Variants in TSPEAR observed in about 807,000 individuals in gnomAD.
The protein encoded by TSPEAR is thrombospondin type laminin G domain and EAR repeats, also known as thrombospondin-type laminin G domain and EAR repeat-containing protein.
A neutral mutation model predicts 71.6 loss-of-function variants in TSPEAR; 69 were observed. That is an observed-to-expected ratio of 0.96 (90% CI 0.79 to 1.18). TSPEAR has a LOEUF of 1.18. TSPEAR is among the 50% of genes most tolerant of loss of function. TSPEAR has a pLI of 0.00. For synonymous variants in TSPEAR, 402 were observed against 387.2 expected (o/e 1.04, Z -0.45); for missense variants, 971 against 894.9 (o/e 1.09, Z -1.09).
intron 1 of TSPEAR, among the ~76,000 whole-genome samples, chr21:44,634,904 G>A (rs1304623537): frequency 6.6e-6 from 1 of 152,196 alleles, no homozygotes; most frequent in Non-Finnish European, 1.5e-5. Context: ...TTGCTAGTGA[G>A]AATATAAAAT....
rs1318138798 is a variant in TSPEAR, at chr21:44,697,365, T to C, written c.82+14068A>G. The C allele has an allele frequency of 7.4e-6, 12 of 1,613,144 alleles. No homozygotes were observed. The African/African-American group carries it at 9.3e-5, about 13-fold the overall frequency. On this transcript the variant is annotated intron_variant, in intron 1 of 11. Transcript: ENST00000323084. ...TGCCTGAGCCTGGTCTGCACCCCAG[T>C]GAGCCGTGTATCCAGCCCCTGCTGC...
At chr21:44,576,100 G>T (rs1281648240) in intron 1 of TSPEAR, among the ~76,000 whole-genome samples, 2 of 152,296 alleles carry the variant, frequency 1.3e-5, no homozygotes, top group East Asian at 3.9e-4. Flanking sequence ...TATTCCAATG[G>T]TTATAAAACA....
chr21:44,556,814 A>G (rs587700624), intron 2 of TSPEAR, among the ~76,000 whole-genome samples: 2 of 152,338 alleles, frequency 1.3e-5, no homozygotes, highest in East Asian at 3.9e-4. Context: ...TTGCAACAGG[A>G]AACTGGAAAA....
chr21:44,563,587 A>AC (rs2053666907), intron 2 of TSPEAR, among the ~76,000 whole-genome samples: 1 of 118,864 alleles, frequency 8.4e-6, no homozygotes, highest in South Asian at 2.8e-4. Context: ...GACAGTGGTG[A>AC]CAAAAAAAAC....
chr21:44,501,493 A>T (rs1227469091), intron 11 of TSPEAR, among the ~76,000 whole-genome samples: 5 of 152,240 alleles, frequency 3.3e-5, no homozygotes, highest in Non-Finnish European at 1.5e-5. Flanking sequence ...GCTACTCAGG[A>T]GGCTGAAGCA....
intron 9 of TSPEAR, chr21:44,516,579 G>A (rs1050944658): frequency 1.4e-4 from 21 of 152,208 alleles, no homozygotes; most frequent in Admixed American, 3.9e-4. Flanking sequence ...GTTCGGCCAC[G>A]GGGCGATTCT....
At chr21:44,519,030 GTT>G in intron 9 of TSPEAR, 2 of 171,498 alleles carry the variant, frequency 1.2e-5, no homozygotes, top group Non-Finnish European at 1.2e-5. Context: ...TGCTTTTGTT[GTT>G]TTTTTTTTGT....
At chr21:44,539,369 C>T (rs1198802135) in intron 2 of TSPEAR, 2 of 1,612,484 alleles carry the variant, frequency 1.2e-6, no homozygotes, top group Non-Finnish European at 1.7e-6. Context: ...GCGGCAGCAG[C>T]TGGCCTGGCA....
At chr21:44,694,210 G>A (rs141502584) in intron 1 of TSPEAR, among the ~76,000 whole-genome samples, 17 of 152,356 alleles carry the variant, frequency 1.1e-4, no homozygotes, top group African/African-American at 4.1e-4. Flanking sequence ...ATATCTGTAT[G>A]AAGGAATATT....
chr21:44,677,156 A>T, intron 1 of TSPEAR: 1 of 716,092 alleles, frequency 1.4e-6, no homozygotes, highest in Non-Finnish European at 2.6e-6. Context: ...TGAAGTTTAT[A>T]TGAGGCTTGG....
intron 1 of TSPEAR, among the ~76,000 whole-genome samples, chr21:44,659,607 G>A (rs1368919030): frequency 2.6e-5 from 4 of 152,268 alleles, no homozygotes; most frequent in East Asian, 1.9e-4. Context: ...GGGAGACAAA[G>A]AAATCAATAA....
chr21:44,633,688 G>A (rs587770957), intron 1 of TSPEAR, among the ~76,000 whole-genome samples: 75 of 152,248 alleles, frequency 4.9e-4, no homozygotes, highest in African/African-American at 1.7e-3. Context: ...GTATTCTGCT[G>A]TTGTTGGGTT....
At chr21:44,509,032 C>G in intron 10 of TSPEAR, 167 bp downstream of exon 10, 1 of 1,413,846 alleles carries the variant, frequency 7.1e-7, no homozygotes, top group South Asian at 1.3e-5. Context: ...GGAAAGTCCC[C>G]AGGCCATTCT....
chr21:44,576,873 A>G (rs911034275), intron 1 of TSPEAR, among the ~76,000 whole-genome samples: 1 of 152,238 alleles, frequency 6.6e-6, no homozygotes, highest in Non-Finnish European at 1.5e-5. Flanking sequence ...ATCCACCAAC[A>G]TAAACCACCG....
chr21:44,586,391 T>C (rs1353312439), intron 1 of TSPEAR, among the ~76,000 whole-genome samples: 2 of 152,194 alleles, frequency 1.3e-5, no homozygotes, highest in African/African-American at 4.8e-5. Context: ...CACTCATTTT[T>C]ATTTGGATGA....
intron 1 of TSPEAR, chr21:44,591,739 G>A: frequency 6.3e-7 from 1 of 1,596,862 alleles, no homozygotes; most frequent in African/African-American, 1.3e-5. Context: ...CTGGCAGCAT[G>A]AAGAGGAATC....
intron 1 of TSPEAR, chr21:44,628,152 G>A (rs1192402144): frequency 7.1e-7 from 1 of 1,413,744 alleles, no homozygotes; most frequent in East Asian, 2.3e-5. Flanking sequence ...CACAGAAGGA[G>A]CAGCCCCAGC....
chr21:44,627,575 C>G (rs782328848), intron 1 of TSPEAR: 1 of 1,613,486 alleles, frequency 6.2e-7, no homozygotes, highest in East Asian at 2.2e-5. Flanking sequence ...GCCTCTTCCT[C>G]CTGCCAGCCG....
rs374249767 is a variant in TSPEAR, at chr21:44,499,778, C to T, written c.*5G>A. ...CACCCCAGTTGCTGCCGGGCAGCCG[C>T]GGCCTCAGCGTGTCCTCAGCCGCAG... On this transcript the variant is annotated 3_prime_UTR_variant, in exon 12 of 12. Transcript: ENST00000323084. 1.5e-4 allele frequency: 229 copies of T among 1,556,642 alleles called. No homozygotes were observed. The highest frequency in any genetic ancestry group is 1.8e-4 in the African/African-American group (13 of 72,844).
Sources: allele counts gnomAD v4.1 joint callset (sites outside exome capture counted in the v4.1 genomes callset), GRCh38; gene constraint gnomAD v4.1.1; transcripts MANE v1.5; gene names NCBI Gene and HGNC (gene_info 2026-07-23, HGNC 2026-07-21).